Variants in STMND1 observed in about 807,000 individuals in gnomAD.
STMND1 encodes the protein stathmin domain-containing protein 1.
STMND1 carries 17 observed loss-of-function variants against 23.0 expected under a neutral mutation model. That is an observed-to-expected ratio of 0.74 (90% CI 0.51 to 1.11). The LOEUF (loss-of-function observed/expected upper bound fraction) is 1.11, where lower values mean the gene tolerates loss of function less well. Ranked by LOEUF, STMND1 falls within the 50% of genes least tolerant of loss-of-function variation. STMND1 has a pLI of 0.00. For missense variants in STMND1, 305 were observed against 329.1 expected, an observed-to-expected ratio of 0.93 and a Z score of 0.57; for synonymous variants, 114 against 119.9, an observed-to-expected ratio of 0.95 and a Z score of 0.32.
At chr6:17,105,006 C>CT (rs138533029) in intron 1 of STMND1, among the ~76,000 whole-genome samples, 13 of 152,052 alleles carry the variant, frequency 8.5e-5, no homozygotes, top group African/African-American at 3.1e-4. Flanking sequence ...CATGTATAGA[C>CT]TTTTTTTTGT....
chr6:17,109,047 T>C (rs1381549009), intron 1 of STMND1, among the ~76,000 whole-genome samples: 2 of 152,170 alleles, frequency 1.3e-5, no homozygotes, highest in Admixed American at 6.5e-5. Flanking sequence ...TAATATGTTG[T>C]ATGTAAAGAC....
chr6:17,123,573 C>T (rs1483595192), intron 3 of STMND1, among the ~76,000 whole-genome samples: 2 of 152,162 alleles, frequency 1.3e-5, no homozygotes, highest in Admixed American at 1.3e-4. Context: ...GCCCTGCTTT[C>T]ACACTTCTGA....
At chr6:17,124,912 T>A (rs1326809549) in intron 3 of STMND1, among the ~76,000 whole-genome samples, 1 of 151,072 alleles carries the variant, frequency 6.6e-6, no homozygotes, top group Non-Finnish European at 1.5e-5. Context: ...GGTTGGAGGA[T>A]CACTTGAGCC....
chr6:17,104,576 A>G (rs1760992942), intron 1 of STMND1, among the ~76,000 whole-genome samples: 1 of 152,180 alleles, frequency 6.6e-6, no homozygotes, highest in Non-Finnish European at 1.5e-5. Flanking sequence ...TAAGATAATT[A>G]TCACTTCTCG....
intron 4 of STMND1, among the ~76,000 whole-genome samples, chr6:17,130,247 A>T: frequency 6.6e-6 from 1 of 152,150 alleles, no homozygotes. Context: ...CGTTAAACTG[A>T]GAGAAGCTGC....
At chr6:17,126,396 G>T (rs564387303) in intron 3 of STMND1, among the ~76,000 whole-genome samples, 1 of 152,146 alleles carries the variant, frequency 6.6e-6, no homozygotes, top group Non-Finnish European at 1.5e-5. Flanking sequence ...ATCATTTTAA[G>T]ATTAAGCCAC....
intron 1 of STMND1, among the ~76,000 whole-genome samples, chr6:17,107,306 A>G (rs1761036936): frequency 6.6e-6 from 1 of 152,130 alleles, no homozygotes; most frequent in Admixed American, 6.5e-5. Context: ...CAAACAAACA[A>G]CACCTGTCCG....
At chr6:17,125,682 C>A (rs1320970044) in intron 3 of STMND1, among the ~76,000 whole-genome samples, 1 of 152,036 alleles carries the variant, frequency 6.6e-6, no homozygotes, top group Non-Finnish European at 1.5e-5. Flanking sequence ...GTGACCTTCC[C>A]CAGGAGGTCT....
At chr6:17,127,786 A>G (rs1761328297) in intron 3 of STMND1, among the ~76,000 whole-genome samples, 1 of 152,184 alleles carries the variant, frequency 6.6e-6, no homozygotes, top group South Asian at 2.1e-4. Flanking sequence ...ATCTGGAACA[A>G]TATTCAGTTC....
chr6:17,117,270 T>C (rs192003320), intron 2 of STMND1, among the ~76,000 whole-genome samples: 12 of 152,250 alleles, frequency 7.9e-5, no homozygotes, highest in Admixed American at 6.5e-4. Context: ...GGTTTCATCA[T>C]ATTGGTCAGT....
chr6:17,122,739 T>C (rs1761250088), intron 3 of STMND1, among the ~76,000 whole-genome samples: 1 of 150,526 alleles, frequency 6.6e-6, no homozygotes, highest in Non-Finnish European at 1.5e-5. Flanking sequence ...GGGGGGAGGA[T>C]GGAAAGGAAG....
At chr6:17,127,190 A>G (rs1348983861) in intron 3 of STMND1, among the ~76,000 whole-genome samples, 1 of 152,236 alleles carries the variant, frequency 6.6e-6, no homozygotes, top group Admixed American at 6.5e-5. Context: ...ATCCCAAAAT[A>G]TATGTTATTA....
At chr6:17,130,484 T>C (rs2113498159) in intron 4 of STMND1, 110 bp from the exon 5 acceptor site, 1 of 860,836 alleles carries the variant, frequency 1.2e-6, no homozygotes, top group Non-Finnish European at 1.7e-6. Flanking sequence ...GTCTGTTATT[T>C]GACTGAATGA....
intron 4 of STMND1, 23 bp downstream of exon 4, chr6:17,129,266 A>G (rs1761352987): frequency 2.0e-6 from 3 of 1,531,636 alleles, no homozygotes; most frequent in Non-Finnish European, 2.6e-6. Flanking sequence ...CAGATGCTCT[A>G]GGCTTGAGGA....
At chr6:17,105,252 T>C (rs1345750348) in intron 1 of STMND1, among the ~76,000 whole-genome samples, 1 of 152,126 alleles carries the variant, frequency 6.6e-6, no homozygotes, top group South Asian at 2.1e-4. Flanking sequence ...TTTTGTAGAG[T>C]TGTTGTGAGG....
chr6:17,129,269 C>A, intron 4 of STMND1, 26 bp downstream of exon 4: 3 of 1,531,676 alleles, frequency 2.0e-6, no homozygotes, highest in Non-Finnish European at 1.7e-6. Flanking sequence ...ATGCTCTAGG[C>A]TTGAGGAGTT....
At chr6:17,115,372 TAAAAAAAAAA>T (rs75171969) in intron 2 of STMND1, among the ~76,000 whole-genome samples, 2 of 116,098 alleles carry the variant, frequency 1.7e-5, no homozygotes, top group African/African-American at 6.5e-5. Flanking sequence ...GGACCATCTT[TAAAAAAAAAA>T]AAAAAAAAAA....
At position 17,129,153 on chromosome 6, in the gene STMND1, A is replaced by G; in HGVS notation, c.453A>G (p.Arg151=). The G allele has an allele frequency of 6.5e-7, 1 of 1,535,990 alleles. No homozygotes were observed. Among genetic ancestry groups the G allele is most frequent in the Non-Finnish European group, 8.7e-7 (1 of 1,146,826 alleles). ...AGCCATTGAGAAAGCCACCTTCCAG[A>G]CTGAAAAAACTCAAGATCAAAAAGC... ...TEKPLRKPPS[R]LKKLKIKKQV... Residue 151 remains arginine, a synonymous_variant, in exon 4 of 5, where the codon AGA becomes AGG. Transcript: ENST00000536551.
rs552316506 is a variant in STMND1 at position 17,102,633 on chromosome 6, G to C, written c.81+295G>C. 6.6e-5 allele frequency among the ~76,000 whole-genome samples: 10 copies of C among 152,268 alleles called. 1 individual carries two copies. The South Asian group carries it at 2.1e-3, about 32-fold the overall frequency. ...TTTGGTGTTTAAAGAGATTACGAAG[G>C]TGGTCACACCCCAGGGCACAGGCAA... On this transcript the variant is annotated intron_variant, in intron 1 of 4. Coordinates refer to ENST00000536551, the MANE Select transcript of STMND1 (RefSeq NM_001190766.2).
Sources: allele counts gnomAD v4.1 joint callset (sites outside exome capture counted in the v4.1 genomes callset), GRCh38; gene constraint gnomAD v4.1.1; transcripts MANE v1.5; gene names NCBI Gene and HGNC (gene_info 2026-07-23, HGNC 2026-07-21).